LRTM3: variants seen among roughly 807,000 people sequenced by gnomAD.
LRTM3 encodes leucine-rich repeat transmembrane protein 3.
the LRTM3 span, chr13:102,736,550 G>A: frequency 1.3e-6 from 2 of 1,551,078 alleles, no homozygotes; most frequent in Non-Finnish European, 1.7e-6. Flanking sequence ...TGTTATTCGT[G>A]GTTCACCTTC....
the LRTM3 span, chr13:102,733,867 A>T: frequency 6.4e-7 from 1 of 1,551,286 alleles, no homozygotes; most frequent in Non-Finnish European, 8.7e-7. Context: ...CTGCTTGCTT[A>T]ACAACGTTTT....
chr13:102,732,697 C>A, the LRTM3 span: 4 of 1,551,126 alleles, frequency 2.6e-6, no homozygotes, highest in Non-Finnish European at 3.5e-6. Context: ...TGCTTGTGTC[C>A]ATTCTTCCTC....
At chr13:102,759,006 C>A in the LRTM3 span, 2 of 822,122 alleles carry the variant, frequency 2.4e-6, no homozygotes, top group Non-Finnish European at 3.8e-6. Context: ...AAATATAAAA[C>A]CTCGGTATGC....
the LRTM3 span, among the ~76,000 whole-genome samples, chr13:102,755,262 A>G: frequency 2.8e-5 from 4 of 144,312 alleles, no homozygotes; most frequent in African/African-American, 1.0e-4. Flanking sequence ...CATAAGCAAG[A>G]TAAAATCCAC....
At chr13:102,744,309 A>G in the LRTM3 span, 1 of 1,550,402 alleles carries the variant, frequency 6.4e-7, no homozygotes, top group Non-Finnish European at 8.7e-7. Flanking sequence ...ATGAGGCTGG[A>G]GAAATCTAAA....
chr13:102,737,733 C>G, the LRTM3 span: 1 of 1,550,746 alleles, frequency 6.4e-7, no homozygotes, highest in Non-Finnish European at 8.7e-7. Flanking sequence ...GCGCTATCAC[C>G]CTCACTGGGC....
chr13:102,746,184 G>A, the LRTM3 span: 3 of 1,550,986 alleles, frequency 1.9e-6, no homozygotes, highest in Non-Finnish European at 2.6e-6. Flanking sequence ...TGTAGCTCCA[G>A]TGTTAAACAG....
the LRTM3 span, chr13:102,744,632 G>A: frequency 1.9e-6 from 3 of 1,550,848 alleles, no homozygotes; most frequent in Non-Finnish European, 2.6e-6. Flanking sequence ...CTTCGGTTCA[G>A]ATCCTGATTT....
the LRTM3 span, chr13:102,740,134 T>A: frequency 1.3e-6 from 2 of 1,548,158 alleles, no homozygotes; most frequent in Non-Finnish European, 1.7e-6. Context: ...TTTGTGTTTC[T>A]ATCTTCTTCC....
the LRTM3 span, chr13:102,740,979 G>A: frequency 6.5e-7 from 1 of 1,550,070 alleles, no homozygotes; most frequent in South Asian, 1.2e-5. Context: ...CATGGAGGTT[G>A]ATCCACCGGA....
the LRTM3 span, chr13:102,740,311 C>G: frequency 6.5e-7 from 1 of 1,550,146 alleles, no homozygotes; most frequent in Non-Finnish European, 8.7e-7. Flanking sequence ...TTGGAGAAAT[C>G]AAGGGCACAA....
At chr13:102,744,786 T>C in the LRTM3 span, 1 of 1,550,692 alleles carries the variant, frequency 6.4e-7, no homozygotes, top group Non-Finnish European at 8.7e-7. Context: ...CTAGATCCAC[T>C]TTCCATGTCA....
the LRTM3 span, chr13:102,743,987 C>G: frequency 6.5e-7 from 1 of 1,550,244 alleles, no homozygotes; most frequent in Non-Finnish European, 8.7e-7. Context: ...TCGGCGTGTT[C>G]TGTTAGATAG....
chr13:102,759,049 T>C, the LRTM3 span: 1 of 631,738 alleles, frequency 1.6e-6, no homozygotes, highest in Non-Finnish European at 2.7e-6. Context: ...ATTTGGCCAG[T>C]GCTGCTGGTA....
At chr13:102,745,062 CCTCT>C in the LRTM3 span, 1 of 1,550,786 alleles carries the variant, frequency 6.4e-7, no homozygotes, top group Admixed American at 2.0e-5. Context: ...TTCTTTGTCT[CCTCT>C]CTTTGTATTG....
the LRTM3 span, chr13:102,758,764 C>G: frequency 6.4e-7 from 1 of 1,551,110 alleles, no homozygotes; most frequent in Non-Finnish European, 8.7e-7. Flanking sequence ...GATGCACAAG[C>G]TTTCATGAGT....
At chr13:102,748,027 C>G in the LRTM3 span, 1 of 1,551,024 alleles carries the variant, frequency 6.4e-7, no homozygotes, top group East Asian at 2.4e-5. Flanking sequence ...ATTCTGCGTT[C>G]TGTGTTTCCT....
At chr13:102,731,073 A>C in the LRTM3 span, 2 of 1,551,170 alleles carry the variant, frequency 1.3e-6, no homozygotes, top group African/African-American at 1.4e-5. Context: ...TCTTTTACTG[A>C]GTGGTTTTGG....
the LRTM3 span, chr13:102,745,345 G>C: frequency 2.8e-4 from 427 of 1,550,560 alleles, no homozygotes; most frequent in Non-Finnish European, 3.6e-4. Flanking sequence ...GAGTAGAACT[G>C]AGTCTTTTTT....
Sources: allele counts gnomAD v4.1 joint callset (sites outside exome capture counted in the v4.1 genomes callset), GRCh38; gene constraint gnomAD v4.1.1; transcripts MANE v1.5; gene names NCBI Gene and HGNC (gene_info 2026-07-23, HGNC 2026-07-21).